The following POLDIP2 variants were observed in gnomAD, a reference collection of about 807,000 sequenced individuals.
The protein encoded by POLDIP2 is DNA polymerase delta interacting protein 2, also known as polymerase delta-interacting protein 2.
Under a neutral mutation model 52.9 loss-of-function variants are expected in POLDIP2, and 32 were observed. The ratio of observed to expected loss-of-function variants is 0.61; its 90% confidence interval spans 0.46 to 0.81. POLDIP2 has a LOEUF of 0.81. POLDIP2 is among the 40% of genes least tolerant of loss of function. POLDIP2 has a pLI of 0.00. For missense variants in POLDIP2, 371 were observed against 477.3 expected, an observed-to-expected ratio of 0.78 and a Z score of 2.07; for synonymous variants, 183 against 183.0, an observed-to-expected ratio of 1.00 and a Z score of 0.00.
rs368609067 is a variant in POLDIP2 at position 28,354,549 on chromosome 17, C to T, written c.280G>A (p.Val94Ile). 20 of 1,562,424 alleles carry T rather than the reference C, an allele frequency of 1.3e-5. No individual in the cohort carries two copies. The African/African-American group carries it at 1.4e-4, about 11-fold the overall frequency. ...AGTCTGGCCTGCCAGGGAAACAGGA[C>T]GACACCTCGGTAGCCAAAAATGCTA... Reference protein sequence around the residue: ...LHSIFGYRGVVLFPWQARLYD... With the variant: ...LHSIFGYRGVILFPWQARLYD... The change falls in exon 3 of 11, where the codon GTC (valine) becomes ATC (isoleucine). Residue 94 changes from valine (V) to isoleucine (I), a missense_variant. Coordinates refer to ENST00000540200, the MANE Select transcript of POLDIP2 (RefSeq NM_015584.5).
At chr17:28,357,201 C>T in intron 1 of POLDIP2, 87 bp downstream of exon 1, 2 of 1,263,368 alleles carry the variant, frequency 1.6e-6, no homozygotes, top group Non-Finnish European at 2.1e-6. Flanking sequence ...CCTCAGCAGG[C>T]CCGGGCCCCT....
intron 5 of POLDIP2, 94 bp from the exon 6 acceptor site, chr17:28,353,113 G>A (rs528657461): frequency 3.1e-4 from 235 of 749,710 alleles, no homozygotes; most frequent in Non-Finnish European, 5.2e-4. Context: ...TTCCAGTATG[G>A]GATAACCCTG....
At chr17:28,349,028 T>A (rs1444620775) in intron 10 of POLDIP2, 55 bp downstream of exon 10, 1 of 1,299,518 alleles carries the variant, frequency 7.7e-7, no homozygotes. Flanking sequence ...TTTTCTGACC[T>A]ACAGCTTCTG....
chr17:28,347,118 A>G lies in POLDIP2; in HGVS notation c.*999T>C, dbSNP rs1441931866. ...GACCTTGTGTTCTAGCCAGGTCGTA[A>G]GCGCGACTGTACTGTTGCCCTGCAA... On this transcript the variant is annotated 3_prime_UTR_variant, in exon 11 of 11. Coordinates refer to ENST00000540200, the MANE Select transcript of POLDIP2 (RefSeq NM_015584.5). The G allele has an allele frequency of 1.7e-5, 2 of 120,168 alleles. No individual in the cohort carries two copies. The highest frequency in any genetic ancestry group is 6.8e-5 in the African/African-American group (2 of 29,588). 7.4% of individuals were successfully genotyped at this position (120,168 alleles called of 1,614,324 possible).
At chr17:28,349,795 T>C (rs1358725956) in intron 9 of POLDIP2, among the ~76,000 whole-genome samples, 3 of 152,226 alleles carry the variant, frequency 2.0e-5, no homozygotes, top group Admixed American at 6.5e-5. Flanking sequence ...AGATTTTGGT[T>C]AAATAACTTG....
In POLDIP2 at chr17:28,353,251, A is replaced by G. The variant is rs782425041; in HGVS notation, c.504T>C (p.Tyr168=). ...ATGCTAACTACTCACCTGGGATGGCATAGAGGGCCCGACTGTCATCATGGT... is the reference window on the plus strand; with the variant it reads ...ATGCTAACTACTCACCTGGGATGGCGTAGAGGGCCCGACTGTCATCATGGT... ...LANHDDSRAL[Y]AIPGLDYVSH... The change falls in exon 5 of 11, where the codon TAT becomes TAC. Residue 168 remains tyrosine (Y), a synonymous_variant. Coordinates refer to ENST00000540200, the MANE Select transcript of POLDIP2 (RefSeq NM_015584.5). The G allele has an allele frequency of 6.4e-7, 1 of 1,561,464 alleles. No homozygotes were observed. Among genetic ancestry groups the G allele is most frequent in the Non-Finnish European group, 8.8e-7 (1 of 1,134,164 alleles).
chr17:28,347,681 GC>G lies in POLDIP2; in HGVS notation c.*435del, dbSNP rs1275129179. On this transcript the variant is annotated 3_prime_UTR_variant, in exon 11 of 11. Coordinates refer to ENST00000540200, the MANE Select transcript of POLDIP2 (RefSeq NM_015584.5). Reference sequence around the variant, plus strand: ...CAGGCTGAGAGGGAAACAGGCACATGCCCTACCAGGGGGGCAGCTCCCTGGA... The same window carrying G: ...CAGGCTGAGAGGGAAACAGGCACATGCCTACCAGGGGGGCAGCTCCCTGGA... 6.2e-6 allele frequency: 1 copy of G among 160,352 alleles called. No individual in the cohort carries two copies. The highest frequency in any genetic ancestry group is 2.4e-5 in the African/African-American group (1 of 41,544). The allele number at this position is 160,352 out of a possible 1,614,324, so 9.9% of individuals were successfully genotyped here. A position where few individuals can be genotyped will look rare whatever the true frequency, so the allele number is the denominator to read the frequency against.
Position 28,357,457 on chromosome 17 carries a change from C to A in POLDIP2, c.-9G>T. On this transcript the variant is annotated 5_prime_UTR_variant, in exon 1 of 11. Transcript: ENST00000540200. ...GCTGTACAGGCTGCCATGTCCCGCC[C>A]GAGCGCCCGCCCGGCTGCTGACACA... The A allele has an allele frequency of 7.0e-7, 1 of 1,432,968 alleles. No individual in the cohort carries two copies. Among genetic ancestry groups the A allele is most frequent in the Non-Finnish European group, 9.0e-7 (1 of 1,107,054 alleles). The allele number at this position is 1,432,968 out of a possible 1,614,324, so 88.8% of individuals were successfully genotyped here. A position where few individuals can be genotyped will look rare whatever the true frequency, so the allele number is the denominator to read the frequency against.
At chr17:28,355,508 G>A (rs192980064) in intron 2 of POLDIP2, among the ~76,000 whole-genome samples, 18 of 152,330 alleles carry the variant, frequency 1.2e-4, no homozygotes, top group African/African-American at 4.1e-4. Context: ...TAGGGAGGCT[G>A]AGGTAGGAGA....
chr17:28,355,507 T>A (rs570431785), intron 2 of POLDIP2, among the ~76,000 whole-genome samples: 10 of 152,276 alleles, frequency 6.6e-5, no homozygotes, highest in African/African-American at 2.4e-4. Flanking sequence ...CTAGGGAGGC[T>A]GAGGTAGGAG....
rs1555581107 is a variant in POLDIP2, at chr17:28,357,268, C to G, written c.161+20G>C. ...GGGCTCCAGGCCCAGTTCCTCGCGC[C>G]CCCTGGCTCCGTCCCTCACCGGGAC... On this transcript the variant is annotated intron_variant, in intron 1 of 10. Coordinates refer to ENST00000540200, the MANE Select transcript of POLDIP2 (RefSeq NM_015584.5). 17 of 1,560,800 alleles carry G rather than the reference C, an allele frequency of 1.1e-5. No individual in the cohort carries two copies. Among genetic ancestry groups the G allele is most frequent in the Non-Finnish European group, 1.5e-5 (17 of 1,163,838 alleles).
At chr17:28,352,627 C>G (rs542699178) in intron 6 of POLDIP2, among the ~76,000 whole-genome samples, 6 of 151,302 alleles carry the variant, frequency 4.0e-5, no homozygotes, top group African/African-American at 1.5e-4. Context: ...AACCTCCACC[C>G]TCCTGGGTTC....
intron 1 of POLDIP2, among the ~76,000 whole-genome samples, chr17:28,356,927 G>A (rs1383475806): frequency 6.6e-6 from 1 of 152,210 alleles, no homozygotes; most frequent in Admixed American, 6.5e-5. Context: ...ATCTTTCTGA[G>A]GCAGACCTTC....
intron 8 of POLDIP2, 50 bp from the exon 9 acceptor site, chr17:28,350,613 CCCT>C: frequency 6.3e-7 from 1 of 1,599,942 alleles, no homozygotes; most frequent in South Asian, 1.1e-5. Context: ...ATTTGGGTAA[CCCT>C]CCTCAGAATT....
In POLDIP2 at chr17:28,357,516, C is replaced by T; in HGVS notation, c.-68G>A. On this transcript the variant is annotated 5_prime_UTR_variant, in exon 1 of 11. Coordinates refer to ENST00000540200, the MANE Select transcript of POLDIP2 (RefSeq NM_015584.5). ...CCCGCGGCCGGGCGGCGTTCCGCCC[C>T]AGTCCCACACTGCCCCGCGCGGCGT... The T allele has an allele frequency of 1.4e-6, 2 of 1,446,614 alleles. No homozygotes were observed. Among genetic ancestry groups the T allele is most frequent in the African/African-American group, 1.4e-5 (1 of 69,376 alleles). 89.6% of individuals were successfully genotyped at this position (1,446,614 alleles called of 1,614,324 possible). A position where few individuals can be genotyped will look rare whatever the true frequency, so the allele number is the denominator to read the frequency against.
At chr17:28,355,936 A>G (rs368941490) in intron 1 of POLDIP2, 60 bp from the exon 2 acceptor site, 10 of 1,370,408 alleles carry the variant, frequency 7.3e-6, no homozygotes, top group Admixed American at 1.9e-5. Context: ...GTAGTTATCC[A>G]TAAGAAAAAG....
chr17:28,353,520 C>CATAAAAAAAAAAAAAAAAAAAAAAAAAAA (rs1907897128), intron 4 of POLDIP2, among the ~76,000 whole-genome samples, 175 bp downstream of exon 4: 1 of 54,814 alleles, frequency 1.8e-5, no homozygotes, highest in Admixed American at 2.3e-4. Context: ...GACTCCATAT[C>CATAAAAAAAAAAAAAAAAAAAAAAAAAAA]AAAAAAAAAA....
chr17:28,353,500 G>A (rs573165152), intron 4 of POLDIP2, among the ~76,000 whole-genome samples, 184 bp from the exon 5 acceptor site: 155 of 38,798 alleles, frequency 4.0e-3, no homozygotes, highest in African/African-American at 0.019. Context: ...CCAGCCTGGC[G>A]ACAGAGTGAG....
rs550196006 is a variant in POLDIP2 at position 28,347,652 on chromosome 17, C to A, written c.*465G>T. 300 of 160,772 alleles carry A rather than the reference C, an allele frequency of 1.9e-3. No individual in the cohort carries two copies. The highest frequency in any genetic ancestry group is 3.2e-3 in the Non-Finnish European group (234 of 73,200). The allele number at this position is 160,772 out of a possible 1,614,324, so 10.0% of individuals were successfully genotyped here. A position where few individuals can be genotyped will look rare whatever the true frequency, so the allele number is the denominator to read the frequency against. On this transcript the variant is annotated 3_prime_UTR_variant, in exon 11 of 11. Coordinates refer to ENST00000540200, the MANE Select transcript of POLDIP2 (RefSeq NM_015584.5). Reference sequence around the variant, plus strand: ...GTGACCCTAGGAGATGTCCAGCCAGCCTCCAGGCTGAGAGGGAAACAGGCA... The same window carrying A: ...GTGACCCTAGGAGATGTCCAGCCAGACTCCAGGCTGAGAGGGAAACAGGCA...
Sources: gnomAD v4.1 joint callset for allele counts (sites outside exome capture counted in the v4.1 genomes callset) on GRCh38, gnomAD v4.1.1 for gene constraint, MANE v1.5 for transcripts, NCBI Gene and HGNC (gene_info 2026-07-23, HGNC 2026-07-21) for gene names.